SDK1: variants seen among roughly 807,000 people sequenced by gnomAD.
SDK1 encodes sidekick cell adhesion molecule 1.
A neutral mutation model predicts 245.5 loss-of-function variants in SDK1; 157 were observed. The ratio of observed to expected loss-of-function variants is 0.64; its 90% confidence interval spans 0.56 to 0.73. SDK1 has a LOEUF of 0.73. Among genes scored for constraint, SDK1 ranks in the 30% least tolerant of loss-of-function variants. SDK1 has a pLI of 0.00. For missense variants in SDK1, 3,583 were observed against 3,002.3 expected, an observed-to-expected ratio of 1.19 and a Z score of -4.52; for synonymous variants, 1,647 against 1,278.5, an observed-to-expected ratio of 1.29 and a Z score of -6.15.
Position 3,754,000 on chromosome 7 carries a change from C to T in SDK1, c.714-67450C>T, listed in dbSNP as rs560712463. ...AGAAATGTGTTATTTCTAGGCAGGT[C>T]CTCTTGGCTTTCCATTCAGGACTTC... is the stretch of plus-strand genomic sequence containing the variant. On this transcript the variant is annotated intron_variant, in intron 4 of 44. Coordinates refer to ENST00000404826, the MANE Select transcript of SDK1 (RefSeq NM_152744.4). Among the ~76,000 whole-genome samples the T allele has an allele frequency of 1.7e-4, 26 of 152,200 alleles. No homozygotes were observed. The South Asian group carries it at 4.8e-3, about 28-fold the overall frequency.
chr7:4,159,249 C>G (rs1379233329), intron 31 of SDK1, among the ~76,000 whole-genome samples: 1 of 152,200 alleles, frequency 6.6e-6, no homozygotes, highest in Non-Finnish European at 1.5e-5. Flanking sequence ...TCCAATAAAC[C>G]AATTTCCAGC....
chr7:3,638,354 A>G (rs946070352), intron 2 of SDK1, among the ~76,000 whole-genome samples: 1 of 152,142 alleles, frequency 6.6e-6, no homozygotes, highest in South Asian at 2.1e-4. Context: ...TTGTGGCACT[A>G]TTCACAATAG....
At chr7:4,239,938 A>C (rs552293032) in intron 42 of SDK1, among the ~76,000 whole-genome samples, 2 of 152,160 alleles carry the variant, frequency 1.3e-5, no homozygotes, top group Non-Finnish European at 2.9e-5. Flanking sequence ...AAGTCCTACC[A>C]TCCTTGTGCC....
At chr7:3,806,116 C>G (rs114927524) in intron 4 of SDK1, among the ~76,000 whole-genome samples, 3 of 152,318 alleles carry the variant, frequency 2.0e-5, no homozygotes, top group East Asian at 1.9e-4. Flanking sequence ...AAGTCAGCAG[C>G]GTAAACTTTC....
intron 17 of SDK1, among the ~76,000 whole-genome samples, chr7:4,023,226 TA>T (rs1787068946): frequency 6.6e-6 from 1 of 152,194 alleles, no homozygotes; most frequent in South Asian, 2.1e-4. Flanking sequence ...TGACTTTTCT[TA>T]TCCCCCTTCA....
At chr7:3,409,658 G>A (rs1224397747) in intron 1 of SDK1, among the ~76,000 whole-genome samples, 1 of 152,160 alleles carries the variant, frequency 6.6e-6, no homozygotes, top group African/African-American at 2.4e-5. Flanking sequence ...GTGGATTGGA[G>A]ACAGCAACAG....
At chr7:4,110,977 C>T (rs879382914) in intron 23 of SDK1, among the ~76,000 whole-genome samples, 1 of 152,172 alleles carries the variant, frequency 6.6e-6, no homozygotes, top group African/African-American at 2.4e-5. Flanking sequence ...ATGTTAGACT[C>T]ATGAGGCTCC....
intron 1 of SDK1, among the ~76,000 whole-genome samples, chr7:3,497,043 G>A (rs1206946261): frequency 6.6e-6 from 1 of 152,142 alleles, no homozygotes; most frequent in Non-Finnish European, 1.5e-5. Flanking sequence ...AGTGAAAAAT[G>A]TTCCTAATAA....
chr7:3,379,946 C>G (rs1168916580), intron 1 of SDK1, among the ~76,000 whole-genome samples: 1 of 152,154 alleles, frequency 6.6e-6, no homozygotes, highest in Non-Finnish European at 1.5e-5. Context: ...AAAACCTAAT[C>G]CAAAAATCCA....
intron 38 of SDK1, among the ~76,000 whole-genome samples, chr7:4,218,400 A>T (rs919500398): frequency 6.6e-6 from 1 of 152,242 alleles, no homozygotes; most frequent in African/African-American, 2.4e-5. Context: ...CTCAAAAAAA[A>T]AAAGCCAAAA....
chr7:3,337,022 C>T (rs1239825292), intron 1 of SDK1, among the ~76,000 whole-genome samples: 1 of 145,308 alleles, frequency 6.9e-6, no homozygotes, highest in African/African-American at 2.9e-5. Flanking sequence ...CAATTCATAC[C>T]AATTTATACA....
At chr7:4,250,564 C>T (rs1043655878) in intron 44 of SDK1, among the ~76,000 whole-genome samples, 1 of 152,096 alleles carries the variant, frequency 6.6e-6, no homozygotes, top group Non-Finnish European at 1.5e-5. Context: ...AGGCTGGTCT[C>T]GAACTCCTGA....
At chr7:3,951,637 G>C in intron 6 of SDK1, 93 bp from the exon 7 acceptor site, 1 of 1,130,414 alleles carries the variant, frequency 8.8e-7, no homozygotes, top group East Asian at 2.4e-5. Flanking sequence ...GGTAGCATTA[G>C]CTTCGTCAAG....
At chr7:4,162,745 C>T (rs924520125) in intron 32 of SDK1, among the ~76,000 whole-genome samples, 3 of 152,160 alleles carry the variant, frequency 2.0e-5, no homozygotes, top group African/African-American at 7.2e-5. Context: ...TAAATGAAGG[C>T]ATATTCTTCC....
At position 3,962,701 on chromosome 7, in the gene SDK1, A is replaced by T. The variant is rs1447018442; in HGVS notation, c.1279A>T (p.Ile427Phe). ...CCAGTGGTACAAGGATGCCATCTCC[A>T]TCAGCAGGCTCCAGAATCCTCGATA... is the stretch of plus-strand genomic sequence containing the variant. ...TLQWYKDAISISRLQNPRYKV... is the reference protein window; with the variant it reads ...TLQWYKDAISFSRLQNPRYKV... Residue 427 changes from isoleucine (I) to phenylalanine (F), a missense_variant, in exon 9 of 45, where the codon ATC (isoleucine) becomes TTC (phenylalanine). Coordinates refer to ENST00000404826, the MANE Select transcript of SDK1 (RefSeq NM_152744.4). 1.2e-6 allele frequency: 2 copies of T among 1,613,784 alleles called. No homozygotes were observed. The highest frequency in any genetic ancestry group is 8.5e-7 in the Non-Finnish European group (1 of 1,179,832).
intron 5 of SDK1, among the ~76,000 whole-genome samples, chr7:3,869,512 G>C (rs937380571): frequency 6.6e-6 from 1 of 152,128 alleles, no homozygotes; most frequent in African/African-American, 2.4e-5. Context: ...AGGGAAGCAG[G>C]ATAGCTGGGC....
chr7:3,700,854 C>T (rs774235937), intron 4 of SDK1, among the ~76,000 whole-genome samples: 1 of 152,072 alleles, frequency 6.6e-6, no homozygotes, highest in Non-Finnish European at 1.5e-5. Flanking sequence ...CCCCTTATTT[C>T]TATTTTTTTG....
intron 17 of SDK1, among the ~76,000 whole-genome samples, chr7:4,044,253 C>T (rs1045139782): frequency 3.4e-4 from 52 of 152,264 alleles, no homozygotes; most frequent in African/African-American, 1.2e-3. Flanking sequence ...CCCCTGGCCT[C>T]GCCAGCCTGC....
chr7:3,546,852 A>T (rs1779240359), intron 1 of SDK1, among the ~76,000 whole-genome samples: 2 of 152,234 alleles, frequency 1.3e-5, no homozygotes, highest in African/African-American at 2.4e-5. Context: ...TATGAAGTTA[A>T]GAGTTTAAAG....
Sources: allele counts gnomAD v4.1 joint callset (sites outside exome capture counted in the v4.1 genomes callset), GRCh38; gene constraint gnomAD v4.1.1; transcripts MANE v1.5; gene names NCBI Gene and HGNC (gene_info 2026-07-23, HGNC 2026-07-21).